TCF4: variants seen among roughly 807,000 people sequenced by gnomAD.
The protein encoded by TCF4 is transcription factor 4, also known as SL3-3 enhancer factor 2.
A neutral mutation model predicts 82.1 loss-of-function variants in TCF4; 3 were observed. The ratio of observed to expected loss-of-function variants is 0.04; its 90% CI spans 0.02 to 0.09. TCF4 has a LOEUF of 0.09. TCF4 is among the 10% of genes least tolerant of loss of function. The pLI, the probability that TCF4 is intolerant of heterozygous loss-of-function variation, is 1.00. For synonymous variants in TCF4, 276 were observed against 309.6 expected (o/e 0.89, Z 1.14); for missense variants, 518 against 852.7 (o/e 0.61, Z 4.89).
At chr18:55,322,021 T>C in intron 8 of TCF4, 2 of 1,200,048 alleles carry the variant, frequency 1.7e-6, no homozygotes, top group Non-Finnish European at 1.0e-6. Context: ...TTCCGAGGGG[T>C]TTTTATTAGT....
At chr18:55,392,952 C>T (rs2146211197) in intron 6 of TCF4, among the ~76,000 whole-genome samples, 1 of 152,344 alleles carries the variant, frequency 6.6e-6, no homozygotes, top group South Asian at 2.1e-4. Flanking sequence ...AGATACCTTA[C>T]ATAACTTAAA....
chr18:55,360,788 C>T (rs1319788068), intron 6 of TCF4, among the ~76,000 whole-genome samples: 4 of 128,888 alleles, frequency 3.1e-5, no homozygotes, highest in South Asian at 4.8e-4. Flanking sequence ...AGTGCAGTGG[C>T]GCAATCTTGG....
At chr18:55,336,901 G>C (rs1186442454) in intron 8 of TCF4, among the ~76,000 whole-genome samples, 1 of 152,072 alleles carries the variant, frequency 6.6e-6, no homozygotes, top group African/African-American at 2.4e-5. Context: ...ATGTATGCAT[G>C]ATTTAATCTG....
intron 3 of TCF4, among the ~76,000 whole-genome samples, chr18:55,532,624 C>T (rs2097076392): frequency 6.6e-6 from 1 of 152,218 alleles, no homozygotes; most frequent in Non-Finnish European, 1.5e-5. Flanking sequence ...GTCATGCACA[C>T]TGCAAACTTC....
At chr18:55,434,505 C>T (rs542833649) in intron 5 of TCF4, among the ~76,000 whole-genome samples, 20 of 149,930 alleles carry the variant, frequency 1.3e-4, no homozygotes, top group Admixed American at 1.0e-3. Flanking sequence ...CTGCAAGCTC[C>T]GCCTCCCAGG....
intron 3 of TCF4, among the ~76,000 whole-genome samples, chr18:55,464,507 G>T (rs1045064334): frequency 2.0e-5 from 3 of 152,128 alleles, no homozygotes; most frequent in African/African-American, 7.2e-5. Context: ...GTTAAATTAA[G>T]GTAAATATCC....
intron 6 of TCF4, among the ~76,000 whole-genome samples, chr18:55,375,272 T>A (rs1268540697): frequency 6.6e-6 from 1 of 151,912 alleles, no homozygotes; most frequent in Non-Finnish European, 1.5e-5. Flanking sequence ...ACTTCAGGAA[T>A]TTTGAGAGGA....
At position 55,467,302 on chromosome 18, in the gene TCF4, CTTAG is replaced by C. The variant is rs545954961; in HGVS notation, c.146-3169_146-3166del. On this transcript the variant is annotated intron_variant, in intron 3 of 19. Transcript: ENST00000354452. ...TCCTTGAACTTTGTCAGGCCTGCCC[CTTAG>C]TTAGCATTTCCTCAATAACTATTCC... Among the ~76,000 whole-genome samples the C allele has an allele frequency of 1.2e-3, 179 of 152,220 alleles. 1 individual carries two copies. The highest frequency in any genetic ancestry group is 2.1e-3 in the Non-Finnish European group (146 of 68,022).
At chr18:55,418,873 G>A (rs557284766) in intron 5 of TCF4, among the ~76,000 whole-genome samples, 15 of 152,214 alleles carry the variant, frequency 9.9e-5, no homozygotes, top group African/African-American at 3.6e-4. Flanking sequence ...TTAGTGCCCA[G>A]TTTGAAAAAG....
chr18:55,564,261 T>C (rs1024680477), intron 3 of TCF4, among the ~76,000 whole-genome samples: 1 of 152,174 alleles, frequency 6.6e-6, no homozygotes, highest in Admixed American at 6.5e-5. Flanking sequence ...CCAAATGAGG[T>C]TGTAGAGGTA....
At chr18:55,394,965 A>C (rs758930433) in intron 6 of TCF4, among the ~76,000 whole-genome samples, 9 of 152,204 alleles carry the variant, frequency 5.9e-5, no homozygotes, top group Admixed American at 1.3e-4. Flanking sequence ...TTTTTTCTGA[A>C]GTCCTTAATA....
chr18:55,452,919 TGAGAC>T, intron 5 of TCF4, among the ~76,000 whole-genome samples: 1 of 152,340 alleles, frequency 6.6e-6, no homozygotes, highest in East Asian at 1.9e-4. Context: ...AAATTAGAGC[TGAGAC>T]ATCTTTTTAT....
intron 3 of TCF4, among the ~76,000 whole-genome samples, chr18:55,493,370 C>A (rs1255000857): frequency 6.6e-6 from 1 of 152,072 alleles, no homozygotes; most frequent in Non-Finnish European, 1.5e-5. Context: ...AATAATATCA[C>A]TCTCTAGGGG....
chr18:55,354,518 A>C (rs1204182500), intron 6 of TCF4, among the ~76,000 whole-genome samples: 1 of 152,196 alleles, frequency 6.6e-6, no homozygotes, highest in Non-Finnish European at 1.5e-5. Flanking sequence ...GTAACAGAAA[A>C]GCAGCATATA....
chr18:55,419,150 C>T (rs996161517), intron 5 of TCF4, among the ~76,000 whole-genome samples: 1 of 152,190 alleles, frequency 6.6e-6, no homozygotes, highest in Non-Finnish European at 1.5e-5. Flanking sequence ...TTGGCCTACA[C>T]TGAGTTTTAC....
intron 8 of TCF4, among the ~76,000 whole-genome samples, chr18:55,282,539 C>T (rs1261118): frequency 0.41 from 61,863 of 151,784 alleles, 12,994 homozygotes; most frequent in African/African-American, 0.52. Flanking sequence ...GTATTTAATA[C>T]TGACATTAAA....
intron 8 of TCF4, among the ~76,000 whole-genome samples, chr18:55,326,382 G>C (rs775149810): frequency 2.2e-4 from 26 of 116,308 alleles, no homozygotes; most frequent in Non-Finnish European, 4.0e-4. Flanking sequence ...CTATGCAAGA[G>C]TGCCTTAAAG....
intron 11 of TCF4, chr18:55,267,371 A>G (rs2145891010): frequency 6.6e-6 from 1 of 152,260 alleles, no homozygotes; most frequent in African/African-American, 2.4e-5. Flanking sequence ...TTAGGGTAGT[A>G]TCACTAACAT....
rs1304637001 is a variant in TCF4, at chr18:55,578,406, C to A, written c.145+6874G>T. Among the ~76,000 whole-genome samples the A allele has an allele frequency of 2.0e-5, 3 of 151,994 alleles. No individual in the cohort carries two copies. In the East Asian group the frequency reaches 5.8e-4, roughly 29 times the overall value. Reference sequence around the variant, plus strand: ...CCAATAACCAACTGCATGATTTGGGCAAAAGACTTTTAACCCTCCCGAACC... The same window carrying A: ...CCAATAACCAACTGCATGATTTGGGAAAAAGACTTTTAACCCTCCCGAACC... On this transcript the variant is annotated intron_variant, in intron 3 of 19. Coordinates refer to ENST00000354452, the MANE Select transcript of TCF4 (RefSeq NM_001083962.2).
Sources: gnomAD v4.1 joint callset for allele counts (sites outside exome capture counted in the v4.1 genomes callset) on GRCh38, gnomAD v4.1.1 for gene constraint, MANE v1.5 for transcripts, NCBI Gene and HGNC (gene_info 2026-07-23, HGNC 2026-07-21) for gene names.